The following NXPE2 variants were observed in gnomAD, a reference collection of about 807,000 sequenced individuals.
The protein encoded by NXPE2 is NXPE family member 2.
A neutral mutation model predicts 34.4 loss-of-function variants in NXPE2; 34 were observed. That is an observed-to-expected ratio of 0.99 (90% CI 0.75 to 1.31). The LOEUF (loss-of-function observed/expected upper bound fraction) is 1.31, where lower values mean the gene tolerates loss of function less well. Among genes scored for constraint, NXPE2 ranks in the 40% most tolerant of loss-of-function variants. The pLI is 0.00. For missense variants in NXPE2, 649 were observed against 672.5 expected (o/e 0.97, Z 0.39); for synonymous variants, 235 against 231.3 (o/e 1.02, Z -0.15).
At chr11:114,530,603 A>G in the NXPE2 span, 4 of 1,614,066 alleles carry the variant, frequency 2.5e-6, no homozygotes, top group Non-Finnish European at 3.4e-6. Flanking sequence ...GGAAATCCCC[A>G]CCATATTGCT....
the NXPE2 span, among the ~76,000 whole-genome samples, chr11:114,803,781 T>C: frequency 1.3e-5 from 2 of 152,098 alleles, no homozygotes; most frequent in East Asian, 1.9e-4. Flanking sequence ...AGTTTCACCA[T>C]GTTGGCCAGG....
intron 2 of NXPE2, among the ~76,000 whole-genome samples, chr11:114,686,064 A>G (rs1951040701): frequency 6.6e-6 from 1 of 151,952 alleles, no homozygotes; most frequent in Admixed American, 6.6e-5. Context: ...ATTGAAAAAA[A>G]CTCCGTAAAG....
the NXPE2 span, among the ~76,000 whole-genome samples, chr11:114,510,365 C>G: frequency 7.9e-5 from 12 of 152,174 alleles, no homozygotes; most frequent in Non-Finnish European, 1.6e-4. Flanking sequence ...TCCCAAGTAG[C>G]TGGGACTACA....
the NXPE2 span, among the ~76,000 whole-genome samples, chr11:114,624,378 C>T: frequency 1.2e-3 from 185 of 152,136 alleles, no homozygotes; most frequent in African/African-American, 4.3e-3. Flanking sequence ...CCACTGTTTC[C>T]CGTTCAATGA....
chr11:114,695,026 T>C (rs1349876841), intron 2 of NXPE2, among the ~76,000 whole-genome samples: 2 of 152,196 alleles, frequency 1.3e-5, no homozygotes, highest in Non-Finnish European at 1.5e-5. Context: ...CTGGATATGA[T>C]GTAGTTGGTA....
At chr11:114,738,734 G>A in the NXPE2 span, among the ~76,000 whole-genome samples, 10 of 152,102 alleles carry the variant, frequency 6.6e-5, no homozygotes, top group Admixed American at 2.0e-4. Flanking sequence ...CATACCACCT[G>A]ATGTTGTCAT....
At chr11:114,533,020 G>A in the NXPE2 span, among the ~76,000 whole-genome samples, 1 of 152,104 alleles carries the variant, frequency 6.6e-6, no homozygotes, top group African/African-American at 2.4e-5. Context: ...TAAAAGTCAA[G>A]GAGGCAAGGA....
At chr11:114,794,696 TC>T in the NXPE2 span, among the ~76,000 whole-genome samples, 1 of 152,146 alleles carries the variant, frequency 6.6e-6, no homozygotes, top group African/African-American at 2.4e-5. Flanking sequence ...GAATTTGACC[TC>T]CAAATGTTCC....
the NXPE2 span, among the ~76,000 whole-genome samples, chr11:114,650,207 G>A: frequency 5.9e-5 from 9 of 152,134 alleles, no homozygotes; most frequent in Non-Finnish European, 1.2e-4. Context: ...ATACACAAAC[G>A]ATTTCATCTT....
chr11:114,803,262 T>C, the NXPE2 span, among the ~76,000 whole-genome samples: 1 of 152,230 alleles, frequency 6.6e-6, no homozygotes, highest in South Asian at 2.1e-4. Flanking sequence ...TTCAGGGGAC[T>C]AAGAAAAACT....
At chr11:114,584,447 A>C in the NXPE2 span, 5 of 216,974 alleles carry the variant, frequency 2.3e-5, no homozygotes, top group Admixed American at 5.6e-5. Context: ...ATGAGAATGA[A>C]GAAGACCCTG....
At chr11:114,543,012 T>G in the NXPE2 span, among the ~76,000 whole-genome samples, 1 of 152,128 alleles carries the variant, frequency 6.6e-6, no homozygotes, top group Non-Finnish European at 1.5e-5. Context: ...CCCAGCACTT[T>G]GGGAGGTTGA....
the NXPE2 span, among the ~76,000 whole-genome samples, chr11:114,653,450 C>T: frequency 6.6e-6 from 1 of 151,578 alleles, no homozygotes; most frequent in Non-Finnish European, 1.5e-5. Context: ...CAGAAGGCAG[C>T]TTTGAAAATA....
the NXPE2 span, among the ~76,000 whole-genome samples, chr11:114,647,653 C>T: frequency 6.6e-6 from 1 of 151,594 alleles, no homozygotes; most frequent in Non-Finnish European, 1.5e-5. Context: ...TATTCTGATT[C>T]TGTATTTTGT....
chr11:114,591,653 T>C, the NXPE2 span, among the ~76,000 whole-genome samples: 50 of 152,148 alleles, frequency 3.3e-4, no homozygotes, highest in Non-Finnish European at 6.2e-4. Flanking sequence ...AGTCAGAATA[T>C]GGCAAGCTGT....
At chr11:114,782,835 G>A in the NXPE2 span, among the ~76,000 whole-genome samples, 1,018 of 152,174 alleles carry the variant, frequency 6.7e-3, 18 homozygotes, top group African/African-American at 0.023. Flanking sequence ...GATTCCAGCC[G>A]CCAGCCATAG....
the NXPE2 span, among the ~76,000 whole-genome samples, chr11:114,604,146 G>A: frequency 6.6e-6 from 1 of 152,012 alleles, no homozygotes; most frequent in African/African-American, 2.4e-5. Flanking sequence ...ACTGATACCT[G>A]CTGGAAAATA....
chr11:114,606,853 T>A, the NXPE2 span, among the ~76,000 whole-genome samples: 1 of 142,170 alleles, frequency 7.0e-6, no homozygotes, highest in East Asian at 2.2e-4. Context: ...TCGTGGGTAA[T>A]CACTGTTATG....
chr11:114,732,598 C>G, the NXPE2 span, among the ~76,000 whole-genome samples: 1 of 152,196 alleles, frequency 6.6e-6, no homozygotes, highest in African/African-American at 2.4e-5. Flanking sequence ...TCAGTGTTCA[C>G]TATGCCTATT....
Sources: gnomAD v4.1 joint callset for allele counts (sites outside exome capture counted in the v4.1 genomes callset) on GRCh38, gnomAD v4.1.1 for gene constraint, MANE v1.5 for transcripts, NCBI Gene and HGNC (gene_info 2026-07-23, HGNC 2026-07-21) for gene names.